Variants in LRRC17 observed in about 807,000 individuals in gnomAD.
The protein encoded by LRRC17 is leucine-rich repeat-containing protein 17.
A neutral mutation model predicts 41.5 loss-of-function variants in LRRC17; 33 were observed. That is an observed-to-expected ratio of 0.80 (90% CI 0.60 to 1.06). LRRC17 has a LOEUF of 1.06. Among genes scored for constraint, LRRC17 ranks in the 50% least tolerant of loss-of-function variants. The pLI, the probability that LRRC17 is intolerant of heterozygous loss-of-function variation, is 0.00. For missense variants in LRRC17, 491 were observed against 519.3 expected (o/e 0.95, Z 0.53); for synonymous variants, 192 against 197.0 (o/e 0.97, Z 0.21).
intron 3 of LRRC17, among the ~76,000 whole-genome samples, chr7:102,940,620 A>G (rs950585881): frequency 3.3e-5 from 5 of 152,232 alleles, no homozygotes; most frequent in African/African-American, 4.8e-5. Context: ...CACTAAGCTC[A>G]AATTAGGATA....
At chr7:102,915,640 C>T (rs1057224259) in intron 1 of LRRC17, among the ~76,000 whole-genome samples, 9 of 151,956 alleles carry the variant, frequency 5.9e-5, no homozygotes, top group African/African-American at 1.5e-4. Flanking sequence ...GTCTCTGGCC[C>T]CTTTCTTGGC....
At position 102,918,449 on chromosome 7, in the gene LRRC17, A is replaced by G. The variant is rs368416586; in HGVS notation, c.-141+5304A>G. 7.9e-5 allele frequency among the ~76,000 whole-genome samples: 12 copies of G among 152,184 alleles called. No homozygotes were observed. In the East Asian group the frequency reaches 9.6e-4, roughly 12 times the overall value. ...CATATTACCTTCAATTTCTAAGGAGAAAAAAAGCCATTTCAATGTATGATT... is the reference window on the plus strand; with the variant it reads ...CATATTACCTTCAATTTCTAAGGAGGAAAAAAGCCATTTCAATGTATGATT... On this transcript the variant is annotated intron_variant, in intron 1 of 3. Coordinates refer to ENST00000339431, the MANE Select transcript of LRRC17 (RefSeq NM_001031692.3).
At chr7:102,940,709 T>C (rs564301564) in intron 3 of LRRC17, among the ~76,000 whole-genome samples, 1 of 152,310 alleles carries the variant, frequency 6.6e-6, no homozygotes, top group South Asian at 2.1e-4. Context: ...CCTTCAAATC[T>C]CTTCTCCATT....
intron 1 of LRRC17, among the ~76,000 whole-genome samples, chr7:102,926,903 G>T (rs1818244789): frequency 6.6e-6 from 1 of 152,174 alleles, no homozygotes; most frequent in Admixed American, 6.5e-5. Flanking sequence ...TAGCTGAACA[G>T]ATTTTCACCA....
chr7:102,923,046 AT>A (rs980241879), intron 1 of LRRC17, among the ~76,000 whole-genome samples: 30 of 152,150 alleles, frequency 2.0e-4, no homozygotes, highest in Admixed American at 2.6e-4. Context: ...TCCAATATGA[AT>A]TTTTTTATTA....
At chr7:102,918,903 C>T (rs79328714) in intron 1 of LRRC17, among the ~76,000 whole-genome samples, 2,653 of 152,170 alleles carry the variant, frequency 0.017, 119 homozygotes, top group East Asian at 0.16. Flanking sequence ...CATATATATA[C>T]ACATACACAC....
At chr7:102,943,546 A>G (rs531424969) in intron 3 of LRRC17, among the ~76,000 whole-genome samples, 1 of 152,172 alleles carries the variant, frequency 6.6e-6, no homozygotes, top group Non-Finnish European at 1.5e-5. Context: ...CGAAAGAAAC[A>G]CTTTCATTAT....
At chr7:102,932,533 T>C (rs1468992657) in intron 1 of LRRC17, among the ~76,000 whole-genome samples, 1 of 1,044 alleles carries the variant, frequency 9.6e-4, no homozygotes, top group Non-Finnish European at 0.011. Context: ...TAATTCAGCA[T>C]GTATAATAAT....
In LRRC17 at chr7:102,939,577, T is replaced by G; in HGVS notation, c.920T>G (p.Ile307Ser). 1 of 1,613,220 alleles carries G rather than the reference T, an allele frequency of 6.2e-7. No individual in the cohort carries two copies. The highest frequency in any genetic ancestry group is 8.5e-7 in the Non-Finnish European group (1 of 1,179,698). ...LNLSSNGIEF[I>S]DPAAFLGLTH... ...CTCAGCAGCAATGGCATTGAATTCA[T>G]CGATCCTGGTAAGTTCCCCTGTATA... The change falls in exon 3 of 4, where the codon ATC (isoleucine) becomes AGC (serine). Residue 307 changes from isoleucine to serine, a missense_variant. Physicochemically the swap from Ile to Ser is moderately radical, Grantham distance 142 (BLOSUM62 -2). Transcript: ENST00000339431.
At chr7:102,926,978 T>G (rs1452905657) in intron 1 of LRRC17, among the ~76,000 whole-genome samples, 2 of 152,116 alleles carry the variant, frequency 1.3e-5, no homozygotes, top group Non-Finnish European at 2.9e-5. Context: ...GGCAGGAGAT[T>G]CAATGCTGGG....
At chr7:102,937,695 C>T (rs1306323037) in intron 2 of LRRC17, among the ~76,000 whole-genome samples, 3 of 152,070 alleles carry the variant, frequency 2.0e-5, no homozygotes, top group African/African-American at 4.8e-5. Context: ...GTAGTGCCTG[C>T]CACAGAGCCA....
chr7:102,934,360 C>G lies in LRRC17; in HGVS notation c.447C>G (p.Phe149Leu). The G allele has an allele frequency of 6.2e-7, 1 of 1,614,160 alleles. No homozygotes were observed. Among genetic ancestry groups the G allele is most frequent in the Non-Finnish European group, 8.5e-7 (1 of 1,180,028 alleles). ...TCAAAGTCTTGACGGAGGAAGTGTTCATTTACACACCTCTCTTGAGCTACC... is the reference window on the plus strand; with the variant it reads ...TCAAAGTCTTGACGGAGGAAGTGTTGATTTACACACCTCTCTTGAGCTACC... ...NQIKVLTEEV[F>L]IYTPLLSYLR... The change falls in exon 2 of 4, where the codon TTC becomes TTG. Residue 149 changes from phenylalanine (F) to leucine (L), a missense_variant. By Grantham distance (22) the Phe-to-Leu change is conservative (BLOSUM62 0). Coordinates refer to ENST00000339431, the MANE Select transcript of LRRC17 (RefSeq NM_001031692.3).
At chr7:102,924,314 G>T (rs1817650342) in intron 1 of LRRC17, among the ~76,000 whole-genome samples, 1 of 151,504 alleles carries the variant, frequency 6.6e-6, no homozygotes, top group Non-Finnish European at 1.5e-5. Context: ...CACATGGATT[G>T]TAGTTTGCTG....
At chr7:102,921,277 T>C (rs1408412868) in intron 1 of LRRC17, among the ~76,000 whole-genome samples, 1 of 152,222 alleles carries the variant, frequency 6.6e-6, no homozygotes, top group Non-Finnish European at 1.5e-5. Context: ...GGTTGTAAAA[T>C]AACATCAAAA....
intron 1 of LRRC17, chr7:102,926,339 C>G (rs73408247): frequency 9.3e-6 from 15 of 1,613,836 alleles, no homozygotes; most frequent in Non-Finnish European, 9.3e-6. Flanking sequence ...ACAGGACCCC[C>G]GGGCAGCCCT....
At chr7:102,943,536 C>T (rs1354915684) in intron 3 of LRRC17, among the ~76,000 whole-genome samples, 3 of 152,048 alleles carry the variant, frequency 2.0e-5, no homozygotes, top group South Asian at 4.1e-4. Flanking sequence ...AAGGTAGTAA[C>T]GAAAGAAACA....
intron 1 of LRRC17, among the ~76,000 whole-genome samples, chr7:102,926,574 C>A (rs147421976): frequency 4.6e-5 from 7 of 152,186 alleles, no homozygotes; most frequent in African/African-American, 1.7e-4. Context: ...ATTACTCCCT[C>A]CTTTTCCCTT....
intron 1 of LRRC17, among the ~76,000 whole-genome samples, chr7:102,932,102 G>T (rs570477755): frequency 5.7e-4 from 86 of 152,176 alleles, no homozygotes; most frequent in Middle Eastern, 3.4e-3. Flanking sequence ...GCTTTTTTGG[G>T]CTTCAGAATT....
chr7:102,930,692 A>G (rs930557562), intron 1 of LRRC17, among the ~76,000 whole-genome samples: 2 of 152,152 alleles, frequency 1.3e-5, no homozygotes, highest in Non-Finnish European at 2.9e-5. Flanking sequence ...TTCCTTCTGA[A>G]TATCCTCTGT....
Sources: gnomAD v4.1 joint callset for allele counts (sites outside exome capture counted in the v4.1 genomes callset) on GRCh38, gnomAD v4.1.1 for gene constraint, MANE v1.5 for transcripts, NCBI Gene and HGNC (gene_info 2026-07-23, HGNC 2026-07-21) for gene names.